Variants in SNX31 observed in about 807,000 individuals in gnomAD.
SNX31 encodes the protein sorting nexin 31.
Under a neutral mutation model 65.4 loss-of-function variants are expected in SNX31, and 58 were observed. The ratio of observed to expected loss-of-function variants is 0.89; its 90% confidence interval spans 0.72 to 1.10. The LOEUF is 1.10. Ranked by LOEUF, SNX31 falls within the 50% of genes least tolerant of loss-of-function variation. The pLI is 0.00. For missense variants in SNX31, 523 were observed against 529.7 expected (o/e 0.99, Z 0.12); for synonymous variants, 181 against 190.1 (o/e 0.95, Z 0.39).
rs372331440 is a variant in SNX31 at position 100,588,883 on chromosome 8, C to G, written c.1075G>C (p.Val359Leu). 1 of 1,613,750 alleles carries G rather than the reference C, an allele frequency of 6.2e-7. No homozygotes were observed. Among genetic ancestry groups the G allele is most frequent in the African/African-American group, 1.3e-5 (1 of 75,042 alleles). ...GAACTCACCTGTTTGGTGTAAATAACAAACCACTGCCAGCAACTATCCTCA... is the reference window on the plus strand; with the variant it reads ...GAACTCACCTGTTTGGTGTAAATAAGAAACCACTGCCAGCAACTATCCTCA... ...YSEDSCWQWF[V>L]IYTKQAFLLS... Residue 359 changes from valine (V) to leucine (L), a missense_variant, in exon 11 of 14, where the codon GTT (valine) becomes CTT (leucine). Physicochemically the swap from Val to Leu is conservative, Grantham distance 32. Transcript: ENST00000311812. The surrounding 1 kb of genome is among the most constrained non-coding windows in gnomAD (Gnocchi z 4.8).
At chr8:100,659,270 C>T (rs538575040) in intron 1 of SNX31, among the ~76,000 whole-genome samples, 6 of 149,870 alleles carry the variant, frequency 4.0e-5, no homozygotes, top group African/African-American at 1.2e-4. Context: ...TGCTTGAACC[C>T]AGGAGGCGGA....
intron 4 of SNX31, among the ~76,000 whole-genome samples, chr8:100,620,267 C>T (rs2131106457): frequency 6.6e-6 from 1 of 152,304 alleles, no homozygotes; most frequent in African/African-American, 2.4e-5. Flanking sequence ...CCACCATGGG[C>T]AACAGCTCCC....
At chr8:100,631,291 C>A (rs1818394962) in intron 3 of SNX31, among the ~76,000 whole-genome samples, 1 of 152,132 alleles carries the variant, frequency 6.6e-6, no homozygotes, top group African/African-American at 2.4e-5. Context: ...GAACTGCAAA[C>A]CCACAAGGTA....
Position 100,600,331 on chromosome 8 carries a change from G to C in SNX31, c.774+18C>G. 6.3e-7 allele frequency: 1 copy of C among 1,597,726 alleles called. No individual in the cohort carries two copies. Among genetic ancestry groups the C allele is most frequent in the Non-Finnish European group, 8.6e-7 (1 of 1,165,658 alleles). On this transcript the variant is annotated intron_variant, in intron 9 of 13. Coordinates refer to ENST00000311812, the MANE Select transcript of SNX31 (RefSeq NM_152628.4). ...ACTCCCTTTCAAGGGATTTCTCTTG[G>C]AGCAATATTTGATTCACCTTTGTTT...
intron 12 of SNX31, among the ~76,000 whole-genome samples, chr8:100,580,601 TC>T (rs773004892): frequency 3.6e-4 from 55 of 152,212 alleles, no homozygotes; most frequent in Admixed American, 2.7e-3. Flanking sequence ...CATATTTTCC[TC>T]ATACTTGCTG....
Position 100,614,725 on chromosome 8 carries a change from C to CA in SNX31, c.433-1641dup, listed in dbSNP as rs1281358129. Among the ~76,000 whole-genome samples, 4 of 151,930 alleles carry CA rather than the reference C, an allele frequency of 2.6e-5. No homozygotes were observed. The highest frequency in any genetic ancestry group is 9.7e-5 in the African/African-American group (4 of 41,350). ...CCCCATCTCTACTTAAAAAAAAATA[C>CA]AAAAATTAGCTGGGTATGGTGGCAC... On this transcript the variant is annotated intron_variant, in intron 5 of 13. Coordinates refer to ENST00000311812, the MANE Select transcript of SNX31 (RefSeq NM_152628.4). This position sits in a 1 kb window ranked among gnomAD's most constrained non-coding sequence, Gnocchi z 5.1.
intron 4 of SNX31, among the ~76,000 whole-genome samples, chr8:100,621,182 C>T (rs1300971520): frequency 6.6e-6 from 1 of 152,130 alleles, no homozygotes; most frequent in African/African-American, 2.4e-5. Context: ...TCCAAGGACA[C>T]ACTGCTAGTT....
chr8:100,624,500 C>T (rs181339102), intron 4 of SNX31, among the ~76,000 whole-genome samples: 236 of 152,200 alleles, frequency 1.6e-3, no homozygotes, highest in Middle Eastern at 3.4e-3. Context: ...ACTATAAGCA[C>T]ATTTTGCTTT....
intron 8 of SNX31, among the ~76,000 whole-genome samples, chr8:100,605,162 G>T (rs567116092): frequency 2.0e-5 from 3 of 152,292 alleles, no homozygotes; most frequent in East Asian, 3.9e-4. Flanking sequence ...GCCTCTCAAA[G>T]TGCTGGGATT....
At chr8:100,623,933 T>C (rs1817870640) in intron 4 of SNX31, among the ~76,000 whole-genome samples, 1 of 151,772 alleles carries the variant, frequency 6.6e-6, no homozygotes, top group Non-Finnish European at 1.5e-5. Flanking sequence ...GGAAGGAGTT[T>C]AGTCATATGT....
At chr8:100,632,841 C>T (rs1818501005) in intron 3 of SNX31, among the ~76,000 whole-genome samples, 2 of 152,166 alleles carry the variant, frequency 1.3e-5, no homozygotes, top group South Asian at 4.1e-4. Flanking sequence ...AAGTGATCCT[C>T]TTGCCTCAGC....
At chr8:100,599,555 C>T (rs1335382463) in intron 9 of SNX31, among the ~76,000 whole-genome samples, 1 of 150,848 alleles carries the variant, frequency 6.6e-6, no homozygotes, top group East Asian at 1.9e-4. Flanking sequence ...TTTTGCAGTT[C>T]ATCAGTAAAA....
intron 4 of SNX31, chr8:100,619,988 C>T (rs928163076): frequency 6.6e-6 from 1 of 152,030 alleles, no homozygotes; most frequent in Non-Finnish European, 1.5e-5. Flanking sequence ...ATGGTATACA[C>T]CTGAATTTGT....
In SNX31 at chr8:100,578,991, G is replaced by A. The variant is rs1322648423; in HGVS notation, c.1171-1916C>T. ...CCTGCCTCGGCCTCCCAAAGTGCTG[G>A]GATTACAGGCACGAGACACTGTGCC... On this transcript the variant is annotated intron_variant, in intron 12 of 13. Coordinates refer to ENST00000311812, the MANE Select transcript of SNX31 (RefSeq NM_152628.4). This position sits in a 1 kb window ranked among gnomAD's most constrained non-coding sequence, Gnocchi z 4.7. Among the ~76,000 whole-genome samples, 1 of 151,952 alleles carries A rather than the reference G, an allele frequency of 6.6e-6. No individual in the cohort carries two copies. The highest frequency in any genetic ancestry group is 1.5e-5 in the Non-Finnish European group (1 of 67,988).
chr8:100,640,475 C>T (rs111759945), intron 2 of SNX31, among the ~76,000 whole-genome samples: 253 of 151,006 alleles, frequency 1.7e-3, no homozygotes, highest in South Asian at 5.0e-3. Context: ...AGCATAAATC[C>T]CCACTCTCAG....
In SNX31 at chr8:100,588,806, C is replaced by T; in HGVS notation, c.1092+60G>A. 7.7e-7 allele frequency: 1 copy of T among 1,304,976 alleles called. No individual in the cohort carries two copies. Among genetic ancestry groups the T allele is most frequent in the Non-Finnish European group, 1.1e-6 (1 of 905,682 alleles). The allele number at this position is 1,304,976 out of a possible 1,614,324, so 80.8% of individuals were successfully genotyped here. On this transcript the variant is annotated intron_variant, in intron 11 of 13. Transcript: ENST00000311812. This position sits in a 1 kb window ranked among gnomAD's most constrained non-coding sequence, Gnocchi z 4.8. ...GTTAGGGTCATGTGCTTCATCCACC[C>T]CAGCAAGCAAGACAGCATTTCAGCA...
rs536414767 is a variant in SNX31 at position 100,643,356 on chromosome 8, C to T, written c.141+5918G>A. Among the ~76,000 whole-genome samples the T allele has an allele frequency of 2.0e-5, 3 of 152,204 alleles. No homozygotes were observed. The East Asian group carries it at 5.8e-4, about 29-fold the overall frequency. ...CTTACTGCATTCACACCCCCCTATA[C>T]CTATGCCAAAATGGTGATGGCCTGG... On this transcript the variant is annotated intron_variant, in intron 2 of 13. Coordinates refer to ENST00000311812, the MANE Select transcript of SNX31 (RefSeq NM_152628.4).
At chr8:100,620,826 A>G (rs1817630518) in intron 4 of SNX31, among the ~76,000 whole-genome samples, 1 of 152,180 alleles carries the variant, frequency 6.6e-6, no homozygotes, top group Admixed American at 6.5e-5. Context: ...CAGGCCGAGC[A>G]TGGTGGCTCA....
chr8:100,618,669 T>G, intron 4 of SNX31: 1 of 420,138 alleles, frequency 2.4e-6, no homozygotes, highest in Non-Finnish European at 4.2e-6. Context: ...CTAGAACAAC[T>G]CACAAAGTGA....
Sources: allele counts gnomAD v4.1 joint callset (sites outside exome capture counted in the v4.1 genomes callset), GRCh38; gene constraint gnomAD v4.1.1; non-coding constraint Gnocchi (gnomAD v3.1); transcripts MANE v1.5; gene names NCBI Gene and HGNC (gene_info 2026-07-23, HGNC 2026-07-21).